The following DNA2 variants were observed in gnomAD, a reference collection of about 807,000 sequenced individuals.
The protein encoded by DNA2 is DNA replication helicase/nuclease 2.
In DNA2, 101 loss-of-function variants were observed where a neutral mutation model predicts 119.1. That is an observed-to-expected ratio of 0.85 (90% CI 0.72 to 1.00). The LOEUF (loss-of-function observed/expected upper bound fraction) is 1.00, where lower values mean the gene tolerates loss of function less well. DNA2 is among the 50% of genes least tolerant of loss of function. DNA2 has a pLI of 0.00. For synonymous variants in DNA2, 366 were observed against 424.4 expected, an observed-to-expected ratio of 0.86 and a Z score of 1.69; for missense variants, 1,121 against 1,255.5, an observed-to-expected ratio of 0.89 and a Z score of 1.62.
chr10:68,452,499 A>G lies in DNA2; in HGVS notation c.720-2252T>C, dbSNP rs1337314166. Among the ~76,000 whole-genome samples, 4 of 152,158 alleles carry G rather than the reference A, an allele frequency of 2.6e-5. No individual in the cohort carries two copies. In the South Asian group the frequency reaches 8.3e-4, roughly 32 times the overall value. On this transcript the variant is annotated intron_variant, in intron 5 of 20. Coordinates refer to ENST00000358410, the MANE Select transcript of DNA2 (RefSeq NM_001080449.3). ...AAATGTCACATGTATACCTAATAGA[A>G]TACAGGTTAAAAAAACTTTTAAAGT...
Position 68,457,846 on chromosome 10 carries a change from T to C in DNA2, c.719+1258A>G, listed in dbSNP as rs148219906. On this transcript the variant is annotated intron_variant, in intron 5 of 20. Coordinates refer to ENST00000358410, the MANE Select transcript of DNA2 (RefSeq NM_001080449.3). ...ATGACAGTCAACACATGACACAGACTATATGCTAGTAACACAGAAAAATAC... is the reference window on the plus strand; with the variant it reads ...ATGACAGTCAACACATGACACAGACCATATGCTAGTAACACAGAAAAATAC... 4.7e-3 allele frequency among the ~76,000 whole-genome samples: 716 copies of C among 151,120 alleles called. 9 individuals carry two copies. The highest frequency in any genetic ancestry group is 0.031 in the South Asian group (150 of 4,794).
intron 9 of DNA2, among the ~76,000 whole-genome samples, chr10:68,439,298 G>T (rs544569968): frequency 2.1e-4 from 32 of 152,074 alleles, no homozygotes; most frequent in African/African-American, 7.7e-4. Flanking sequence ...GGAGGCTGAG[G>T]CAGGAGAATC....
intron 5 of DNA2, among the ~76,000 whole-genome samples, chr10:68,453,917 A>G (rs1422403506): frequency 6.6e-6 from 1 of 152,228 alleles, no homozygotes; most frequent in Non-Finnish European, 1.5e-5. Context: ...TAAAATGTAT[A>G]TAAGTTTGTG....
chr10:68,452,565 GCT>G (rs920482679), intron 5 of DNA2, among the ~76,000 whole-genome samples: 3,674 of 146,588 alleles, frequency 0.025, 141 homozygotes, highest in African/African-American at 0.092. Flanking sequence ...AAGCAATGTG[GCT>G]TTATTATTAT....
rs1447477755 is a variant in DNA2 at position 68,432,241 on chromosome 10, T to A, written c.1838A>T (p.His613Leu). 4 of 1,606,678 alleles carry A rather than the reference T, an allele frequency of 2.5e-6. No individual in the cohort carries two copies. Among genetic ancestry groups the A allele is most frequent in the Non-Finnish European group, 3.4e-6 (4 of 1,176,936 alleles). ...GCAGGCAACTGTATCCTTTGCATCATGTGGAAGAACAGAACTAAGGTAGGA... is the reference window on the plus strand; with the variant it reads ...GCAGGCAACTGTATCCTTTGCATCAAGTGGAAGAACAGAACTAAGGTAGGA... ...FISYLSSVLP[H>L]DAKDTVACIL... is the part of the protein sequence containing the mutation. The change falls in exon 12 of 21, where the codon CAT (histidine) becomes CTT (leucine). Residue 613 changes from histidine (H) to leucine (L), a missense_variant. His to Leu is a moderately conservative substitution (Grantham distance 99). Coordinates refer to ENST00000358410, the MANE Select transcript of DNA2 (RefSeq NM_001080449.3).
chr10:68,434,557 TAGA>T lies in DNA2; in HGVS notation c.1647-2050_1647-2048del, dbSNP rs1026842992. On this transcript the variant is annotated intron_variant, in intron 10 of 20. Transcript: ENST00000358410. ...GTCCCAGCTATGCAAGAGGCTGAGG[TAGA>T]AGGACTGCTTGATCCCAGGAAGTCC... Among the ~76,000 whole-genome samples the T allele has an allele frequency of 3.3e-5, 5 of 151,066 alleles. No individual in the cohort carries two copies. In the South Asian group the frequency reaches 6.3e-4, roughly 19 times the overall value.
intron 14 of DNA2, among the ~76,000 whole-genome samples, chr10:68,426,167 A>T (rs2051737946): frequency 6.6e-6 from 1 of 151,932 alleles, no homozygotes; most frequent in Non-Finnish European, 1.5e-5. Context: ...CTGGGGCTAG[A>T]CAGAGTTCTT....
intron 10 of DNA2, among the ~76,000 whole-genome samples, chr10:68,436,121 A>C (rs2133385236): frequency 6.6e-6 from 1 of 152,338 alleles, no homozygotes; most frequent in East Asian, 1.9e-4. Flanking sequence ...TATGCATGTC[A>C]ATGTTCATAG....
Position 68,422,543 on chromosome 10 carries a change from G to A in DNA2, c.2464C>T (p.Gln822Ter). 2 of 1,613,988 alleles carry A rather than the reference G, an allele frequency of 1.2e-6. No homozygotes were observed. The highest frequency in any genetic ancestry group is 2.2e-5 in the South Asian group (2 of 91,086). Residue 822 changes from glutamine (Q) to a stop codon, truncating the protein, a stop_gained, in exon 16 of 21, where the codon CAG (glutamine) becomes TAG (stop). Transcript: ENST00000358410. LOFTEE classifies it high-confidence loss of function. ...RLEQNKSAVV[Q>*]LTVQYRMNSK... ...TTCATTCTGTACTGCACGGTTAACT[G>A]TACAACAGCACTCTTATTCTGCTCC...
chr10:68,426,461 C>G (rs566855679), intron 14 of DNA2, among the ~76,000 whole-genome samples: 4 of 152,066 alleles, frequency 2.6e-5, no homozygotes, highest in African/African-American at 9.7e-5. Flanking sequence ...TCGCTTGAAC[C>G]TGGGAGGCAG....
At chr10:68,463,131 G>GA (rs1191780617) in intron 4 of DNA2, among the ~76,000 whole-genome samples, 1,383 of 136,428 alleles carry the variant, frequency 0.01, 22 homozygotes, top group African/African-American at 0.034. Context: ...GATTCAAAAA[G>GA]AAAAAAAAAA....
intron 5 of DNA2, among the ~76,000 whole-genome samples, chr10:68,454,716 G>T (rs958371982): frequency 6.6e-6 from 1 of 151,902 alleles, no homozygotes; most frequent in African/African-American, 2.4e-5. Context: ...TGAGGCAGAA[G>T]AATCGCTTGA....
intron 6 of DNA2, among the ~76,000 whole-genome samples, chr10:68,448,978 T>TGC (rs1347433102): frequency 1.4e-5 from 2 of 140,518 alleles, no homozygotes; most frequent in African/African-American, 5.9e-5. Context: ...CGTGTGTGTG[T>TGC]GTGTGTGTAG....
chr10:68,421,084 G>C (rs912679911), intron 17 of DNA2, among the ~76,000 whole-genome samples: 1 of 151,766 alleles, frequency 6.6e-6, no homozygotes, highest in African/African-American at 2.4e-5. Flanking sequence ...GACTACAGGC[G>C]CACCACCACA....
chr10:68,451,596 TA>T (rs79065196), intron 5 of DNA2, among the ~76,000 whole-genome samples: 38,980 of 151,894 alleles, frequency 0.26, 5,863 homozygotes, highest in East Asian at 0.4. Context: ...AAATCTTACA[TA>T]AAAAAAGATG....
intron 9 of DNA2, among the ~76,000 whole-genome samples, chr10:68,441,005 A>C (rs1394495770): frequency 6.6e-6 from 1 of 152,068 alleles, no homozygotes; most frequent in Non-Finnish European, 1.5e-5. Context: ...ACATAGCAAG[A>C]CCCTGTTTCT....
In DNA2 at chr10:68,422,808, G is replaced by A. The variant is rs765854826; in HGVS notation, c.2291C>T (p.Ala764Val). 3 of 1,611,074 alleles carry A rather than the reference G, an allele frequency of 1.9e-6. No individual in the cohort carries two copies. The highest frequency in any genetic ancestry group is 2.7e-5 in the African/African-American group (2 of 74,594). Residue 764 changes from alanine to valine, a missense_variant, in exon 15 of 21, where the codon GCC (alanine) becomes GTC (valine). Physicochemically the swap from Ala to Val is moderately conservative, Grantham distance 64. Transcript: ENST00000358410. ...KIFDFCIVDEASQISQPICLG... is the reference protein window; with the variant it reads ...KIFDFCIVDEVSQISQPICLG... ...ACAAATTGGTTGGCTAATTTGAGAG[G>A]CTTCATCCACAATACAAAAATCAAA...
intron 14 of DNA2, among the ~76,000 whole-genome samples, chr10:68,429,246 T>TAAAAAAA (rs530484976): frequency 8.5e-6 from 1 of 117,788 alleles, no homozygotes; most frequent in African/African-American, 3.0e-5. Flanking sequence ...AAGGTTCAAT[T>TAAAAAAA]AAAAAAAAAA....
intron 10 of DNA2, among the ~76,000 whole-genome samples, chr10:68,436,139 AATC>A (rs1354042815): frequency 6.6e-6 from 1 of 152,206 alleles, no homozygotes; most frequent in Admixed American, 6.5e-5. Flanking sequence ...TAGCAATATT[AATC>A]ATTACAGCAA....
Sources: allele counts gnomAD v4.1 joint callset (sites outside exome capture counted in the v4.1 genomes callset), GRCh38; gene constraint gnomAD v4.1.1; transcripts MANE v1.5; gene names NCBI Gene and HGNC (gene_info 2026-07-23, HGNC 2026-07-21).